Variants in GLG1 observed in about 807,000 individuals in gnomAD.
GLG1 encodes Golgi apparatus protein 1.
Under a neutral mutation model 160.5 loss-of-function variants are expected in GLG1, and 38 were observed. That is an observed-to-expected ratio of 0.24 (90% confidence interval 0.18 to 0.31). The LOEUF is 0.31. GLG1 is among the 10% of genes least tolerant of loss of function. GLG1 has a pLI of 1.00. For missense variants in GLG1, 1,373 were observed against 1,505.2 expected (o/e 0.91, Z 1.45); for synonymous variants, 644 against 543.4 (o/e 1.19, Z -2.57).
At chr16:74,556,111 T>A (rs1261321628) in intron 1 of GLG1, among the ~76,000 whole-genome samples, 1 of 152,194 alleles carries the variant, frequency 6.6e-6, no homozygotes, top group Non-Finnish European at 1.5e-5. Context: ...AGTGCTGGGA[T>A]TATAGGCATG....
At chr16:74,592,835 G>A (rs888037232) in intron 1 of GLG1, among the ~76,000 whole-genome samples, 17 of 152,130 alleles carry the variant, frequency 1.1e-4, no homozygotes, top group Middle Eastern at 3.4e-3. Flanking sequence ...GGCTGCTATC[G>A]TTTGAATATG....
intron 23 of GLG1, among the ~76,000 whole-genome samples, chr16:74,459,249 C>T (rs1482865864): frequency 6.6e-6 from 1 of 152,124 alleles, no homozygotes; most frequent in African/African-American, 2.4e-5. Context: ...AAGGCCGAGG[C>T]GGGTGGATCA....
At chr16:74,584,098 T>C (rs549417056) in intron 1 of GLG1, among the ~76,000 whole-genome samples, 3 of 152,266 alleles carry the variant, frequency 2.0e-5, no homozygotes, top group South Asian at 2.1e-4. Context: ...CTTCAATTCA[T>C]AGTGCCCCGA....
At chr16:74,553,151 C>T (rs1342353877) in intron 1 of GLG1, among the ~76,000 whole-genome samples, 6 of 150,252 alleles carry the variant, frequency 4.0e-5, no homozygotes, top group Admixed American at 2.0e-4. Flanking sequence ...ACCTGGGAGG[C>T]GGAGGTTGCA....
intron 1 of GLG1, among the ~76,000 whole-genome samples, chr16:74,581,363 A>G (rs1343249550): frequency 6.6e-6 from 1 of 152,176 alleles, no homozygotes; most frequent in East Asian, 1.9e-4. Context: ...TGAACCTTCA[A>G]GACATTAAAA....
Position 74,453,033 on chromosome 16 carries a change from A to G in GLG1, c.*134T>C, listed in dbSNP as rs2014388033. On this transcript the variant is annotated 3_prime_UTR_variant, in exon 26 of 26. Transcript: ENST00000422840. Reference sequence around the variant, plus strand: ...GAGTGGAGGCTGGATGGGACAACGCAGTGGACATCTGCTAATGCTCTAACA... The same window carrying G: ...GAGTGGAGGCTGGATGGGACAACGCGGTGGACATCTGCTAATGCTCTAACA... 1 of 1,474,832 alleles carries G rather than the reference A, an allele frequency of 6.8e-7. No homozygotes were observed. The highest frequency in any genetic ancestry group is 1.5e-5 in the South Asian group (1 of 66,818). The allele number at this position is 1,474,832 out of a possible 1,614,324, so 91.4% of individuals were successfully genotyped here. A position where few individuals can be genotyped will look rare whatever the true frequency, so the allele number is the denominator to read the frequency against.
At chr16:74,462,271 A>G (rs979190808) in intron 21 of GLG1, 76 bp from the exon 22 acceptor site, 1 of 863,434 alleles carries the variant, frequency 1.2e-6, no homozygotes, top group African/African-American at 1.7e-5. Context: ...CATGAAAAAA[A>G]AAACAAACAA....
chr16:74,488,850 C>G (rs561879802), intron 8 of GLG1, among the ~76,000 whole-genome samples: 2 of 151,762 alleles, frequency 1.3e-5, no homozygotes, highest in Non-Finnish European at 2.9e-5. Context: ...AACTCCTGAC[C>G]TCAAGTGATC....
intron 1 of GLG1, among the ~76,000 whole-genome samples, chr16:74,541,393 T>C (rs2017864141): frequency 6.8e-6 from 1 of 147,562 alleles, no homozygotes; most frequent in Non-Finnish European, 1.5e-5. Context: ...TAAAAGAAGA[T>C]ACAAGATAAC....
At chr16:74,604,847 G>A (rs1318142609) in intron 1 of GLG1, among the ~76,000 whole-genome samples, 1 of 152,092 alleles carries the variant, frequency 6.6e-6, no homozygotes, top group Non-Finnish European at 1.5e-5. Context: ...TCAGGAGATC[G>A]AGACCATCCT....
chr16:74,458,863 A>T (rs1442879693), intron 23 of GLG1, among the ~76,000 whole-genome samples: 1 of 152,214 alleles, frequency 6.6e-6, no homozygotes, highest in East Asian at 1.9e-4. Context: ...ATGGAACTGA[A>T]ATCAACTCTG....
intron 25 of GLG1, 77 bp downstream of exon 25, chr16:74,456,572 C>T: frequency 1.1e-6 from 1 of 891,948 alleles, no homozygotes; most frequent in Non-Finnish European, 1.9e-6. Flanking sequence ...GGCCTTTGCT[C>T]AAGGATGACA....
At chr16:74,495,106 C>CTTTTTTTTTTT (rs5817913) in intron 5 of GLG1, among the ~76,000 whole-genome samples, 1 of 83,240 alleles carries the variant, frequency 1.2e-5, no homozygotes, top group African/African-American at 4.4e-5. Context: ...GAGTCTGAGT[C>CTTTTTTTTTTT]TTTTTTTTTT....
intron 3 of GLG1, among the ~76,000 whole-genome samples, chr16:74,507,526 C>T (rs2016655968): frequency 6.6e-6 from 1 of 152,082 alleles, no homozygotes; most frequent in African/African-American, 2.4e-5. Context: ...CACATGAGGT[C>T]AGGATTTGAG....
At chr16:74,473,986 C>T (rs1011472824) in intron 13 of GLG1, among the ~76,000 whole-genome samples, 1 of 152,050 alleles carries the variant, frequency 6.6e-6, no homozygotes, top group African/African-American at 2.4e-5. Flanking sequence ...CAGTCTCCCA[C>T]TCTGTTGCCC....
chr16:74,452,628 C>T lies in GLG1; in HGVS notation c.*539G>A, dbSNP rs1013467505. 1.3e-5 allele frequency: 13 copies of T among 998,186 alleles called. No individual in the cohort carries two copies. Among genetic ancestry groups the T allele is most frequent in the Middle Eastern group, 5.1e-4 (1 of 1,968 alleles). 61.8% of individuals were successfully genotyped at this position (998,186 alleles called of 1,614,324 possible). A position where few individuals can be genotyped will look rare whatever the true frequency, so the allele number is the denominator to read the frequency against. On this transcript the variant is annotated 3_prime_UTR_variant, in exon 26 of 26. Coordinates refer to ENST00000422840, the MANE Select transcript of GLG1 (RefSeq NM_001145667.2). ...GCCTCGGTGAAGACCACGGCCCTGG[C>T]GAGGCCCCAAGGTGCTTCTGAGAGA... is the stretch of plus-strand genomic sequence containing the variant.
At chr16:74,480,562 T>C (rs908321149) in intron 10 of GLG1, among the ~76,000 whole-genome samples, 168 bp from the exon 11 acceptor site, 1 of 150,174 alleles carries the variant, frequency 6.7e-6, no homozygotes, top group Admixed American at 6.7e-5. Flanking sequence ...GTTCTTTTGT[T>C]TTTTTTTTTT....
chr16:74,555,881 C>T (rs1196725762), intron 1 of GLG1, among the ~76,000 whole-genome samples: 1 of 150,776 alleles, frequency 6.6e-6, no homozygotes, highest in Non-Finnish European at 1.5e-5. Flanking sequence ...GCTGTATCAC[C>T]CAGGGTGAAG....
chr16:74,478,348 T>C (rs73606797), intron 11 of GLG1, among the ~76,000 whole-genome samples: 1,847 of 152,240 alleles, frequency 0.012, 35 homozygotes, highest in African/African-American at 0.042. Flanking sequence ...TGGACTCTTC[T>C]AGATGAGCTA....
Sources: allele counts gnomAD v4.1 joint callset (sites outside exome capture counted in the v4.1 genomes callset), GRCh38; gene constraint gnomAD v4.1.1; transcripts MANE v1.5; gene names NCBI Gene and HGNC (gene_info 2026-07-23, HGNC 2026-07-21).